Variants in PLSCR5 observed in about 807,000 individuals in gnomAD.
The protein encoded by PLSCR5 is phospholipid scramblase family, member 5.
A neutral mutation model predicts 33.6 loss-of-function variants in PLSCR5; 44 were observed. That is an observed-to-expected ratio of 1.31 (90% CI 1.03 to 1.69). The LOEUF (loss-of-function observed/expected upper bound fraction) is 1.69, where lower values mean the gene tolerates loss of function less well. Among genes scored for constraint, PLSCR5 ranks in the 40% most tolerant of loss-of-function variants. The probability of loss-of-function intolerance (pLI) is 0.00; values close to 1 mark genes in which losing one functional copy is unlikely to be tolerated. For missense variants in PLSCR5, 375 were observed against 318.7 expected, an observed-to-expected ratio of 1.18 and a Z score of -1.34; for synonymous variants, 148 against 112.3, an observed-to-expected ratio of 1.32 and a Z score of -2.01.
At chr3:146,597,832 A>T (rs1041078249) in intron 2 of PLSCR5, among the ~76,000 whole-genome samples, 5 of 152,010 alleles carry the variant, frequency 3.3e-5, no homozygotes, top group African/African-American at 7.3e-5. Context: ...AATTAATTTA[A>T]AAAAAATCAA....
chr3:146,589,691 T>C lies in PLSCR5; in HGVS notation c.739A>G (p.Thr247Ala). ...GIHVPADLDV[T>A]VKAAMIGACF... ...GCACCGATCATTGCTGCTTTGACTG[T>C]TACATCTAGATCTGCAGGAACATGA... The change falls in exon 6 of 8, where the codon ACA (threonine) becomes GCA (alanine). Residue 247 changes from threonine to alanine, a missense_variant. Transcript: ENST00000443512. 1 of 1,604,722 alleles carries C rather than the reference T, an allele frequency of 6.2e-7. No individual in the cohort carries two copies. Among genetic ancestry groups the C allele is most frequent in the Non-Finnish European group, 8.5e-7 (1 of 1,173,248 alleles).
At chr3:146,603,232 A>C (rs1038150936) in intron 1 of PLSCR5, among the ~76,000 whole-genome samples, 3 of 152,142 alleles carry the variant, frequency 2.0e-5, no homozygotes, top group Non-Finnish European at 2.9e-5. Flanking sequence ...GCTAATTGCC[A>C]ATATAGTTAC....
Position 146,599,116 on chromosome 3 carries a change from T to C in PLSCR5, c.189+1172A>G, listed in dbSNP as rs559986596. Among the ~76,000 whole-genome samples the C allele has an allele frequency of 2.0e-5, 3 of 152,300 alleles. No individual in the cohort carries two copies. The East Asian group carries it at 5.8e-4, about 29-fold the overall frequency. On this transcript the variant is annotated intron_variant, in intron 2 of 7. Coordinates refer to ENST00000443512, the MANE Select transcript of PLSCR5 (RefSeq NM_001085420.2). Reference sequence around the variant, plus strand: ...ACTTCTAATCCTTTTTAGGATAAAATACAAAAGCAACAATAATATACATAC... The same window carrying C: ...ACTTCTAATCCTTTTTAGGATAAAACACAAAAGCAACAATAATATACATAC...
At chr3:146,587,893 C>A (rs1378641258) in intron 6 of PLSCR5, among the ~76,000 whole-genome samples, 1 of 151,184 alleles carries the variant, frequency 6.6e-6, no homozygotes, top group Non-Finnish European at 1.5e-5. Flanking sequence ...TATATATATA[C>A]ATATATATCT....
Position 146,589,794 on chromosome 3 carries a change from C to T in PLSCR5, c.636G>A (p.Lys212=), listed in dbSNP as rs1235149546. ...ACTTTGAAATCTTCCCAATTGTAAG[C>T]TTTTCATTAATGGTTTTCACCTTTA... is the stretch of plus-strand genomic sequence containing the variant. ...VDFEVKTINE[K]LTIGKISKYW... is the part of the protein sequence containing the mutation. The change falls in exon 6 of 8, where the codon AAG becomes AAA. Residue 212 remains lysine, a synonymous_variant. Transcript: ENST00000443512. 2 of 1,549,844 alleles carry T rather than the reference C, an allele frequency of 1.3e-6. No homozygotes were observed. The highest frequency in any genetic ancestry group is 1.8e-6 in the Non-Finnish European group (2 of 1,135,632).
At chr3:146,590,315 C>T (rs563274763) in intron 5 of PLSCR5, 2 of 151,930 alleles carry the variant, frequency 1.3e-5, no homozygotes, top group Non-Finnish European at 2.9e-5. Context: ...ATTATTAAAA[C>T]ATTTAAATAT....
intron 6 of PLSCR5, 67 bp downstream of exon 6, chr3:146,589,586 C>A: frequency 7.3e-7 from 1 of 1,361,258 alleles, no homozygotes; most frequent in Non-Finnish European, 1.0e-6. Context: ...ATGGGATAGG[C>A]TATATTGTAA....
In PLSCR5 at chr3:146,600,311, G is replaced by A. The variant is rs563813558; in HGVS notation, c.166C>T (p.Pro56Ser). The A allele has an allele frequency of 1.2e-6, 2 of 1,600,302 alleles. No homozygotes were observed. The highest frequency in any genetic ancestry group is 1.7e-6 in the Non-Finnish European group (2 of 1,172,294). Residue 56 changes from proline (P) to serine (S), a missense_variant, in exon 2 of 8, where the codon CCT (proline) becomes TCT (serine). Transcript: ENST00000443512. The stretch of plus-strand genomic sequence containing the variant: ...ACCTGGCTTAAATATTCTAGACCAG[G>A]AGGGAGACTGACTGTTGGCAGGAAA... ...SSFLPTVSLP[P>S]GLEYLSQLDL...
intron 5 of PLSCR5, among the ~76,000 whole-genome samples, chr3:146,590,715 T>C (rs900744162): frequency 2.0e-5 from 3 of 152,084 alleles, no homozygotes; most frequent in Admixed American, 1.3e-4. Context: ...CCAAATCCTT[T>C]GGGGATAGGG....
At chr3:146,578,819 GT>G (rs1014677179) in intron 7 of PLSCR5, among the ~76,000 whole-genome samples, 2 of 151,806 alleles carry the variant, frequency 1.3e-5, no homozygotes, top group East Asian at 1.9e-4. Context: ...CATTGTAATT[GT>G]TTTTTAAAAA....
intron 6 of PLSCR5, 199 bp downstream of exon 6, chr3:146,589,454 A>G (rs1042880973): frequency 4.8e-6 from 2 of 415,406 alleles, no homozygotes; most frequent in Non-Finnish European, 4.1e-6. Context: ...GGGATATGAG[A>G]TCACTGAAGA....
At chr3:146,590,562 T>C (rs1336133631) in intron 5 of PLSCR5, among the ~76,000 whole-genome samples, 1 of 152,082 alleles carries the variant, frequency 6.6e-6, no homozygotes, top group Non-Finnish European at 1.5e-5. Flanking sequence ...ATGCTGAAAG[T>C]AATTCAAGAG....
intron 1 of PLSCR5, among the ~76,000 whole-genome samples, chr3:146,601,305 A>C (rs1013559831): frequency 5.3e-5 from 8 of 152,056 alleles, no homozygotes; most frequent in Non-Finnish European, 1.2e-4. Flanking sequence ...TAGCCTTTCT[A>C]CTATTTTTTT....
chr3:146,579,069 CAGTT>C (rs1267926273), intron 7 of PLSCR5, among the ~76,000 whole-genome samples: 1 of 151,928 alleles, frequency 6.6e-6, no homozygotes, highest in East Asian at 1.9e-4. Flanking sequence ...AACACCTAGA[CAGTT>C]AGAATGAACC....
intron 4 of PLSCR5, among the ~76,000 whole-genome samples, chr3:146,592,448 A>C (rs908529008): frequency 6.6e-6 from 1 of 152,038 alleles, no homozygotes; most frequent in East Asian, 1.9e-4. Context: ...TAGTAGTTGG[A>C]TTTTTGCATT....
chr3:146,596,048 TTAAAAA>T (rs2044758177), intron 2 of PLSCR5, among the ~76,000 whole-genome samples: 1 of 152,176 alleles, frequency 6.6e-6, no homozygotes, highest in Non-Finnish European at 1.5e-5. Flanking sequence ...ACTTATGTAA[TTAAAAA>T]TAAAGTTAAT....
intron 2 of PLSCR5, among the ~76,000 whole-genome samples, chr3:146,598,061 G>T (rs375144662): frequency 5.9e-5 from 9 of 151,918 alleles, no homozygotes; most frequent in Admixed American, 1.3e-4. Context: ...ACATTATATA[G>T]CTAAACACTC....
intron 4 of PLSCR5, 75 bp from the exon 5 acceptor site, chr3:146,591,956 C>T: frequency 8.0e-7 from 1 of 1,253,708 alleles, no homozygotes; most frequent in African/African-American, 1.5e-5. Flanking sequence ...TGTCAATTTA[C>T]CTGTAAACAA....
chr3:146,596,664 T>C (rs1274563893), intron 2 of PLSCR5, among the ~76,000 whole-genome samples: 1 of 152,204 alleles, frequency 6.6e-6, no homozygotes, highest in Non-Finnish European at 1.5e-5. Context: ...CCAGTAACTA[T>C]TAAACTAACC....
Sources: allele counts gnomAD v4.1 joint callset (sites outside exome capture counted in the v4.1 genomes callset), GRCh38; gene constraint gnomAD v4.1.1; transcripts MANE v1.5; gene names NCBI Gene and HGNC (gene_info 2026-07-23, HGNC 2026-07-21).